PYROXD1: variants seen among roughly 807,000 people sequenced by gnomAD.
The protein encoded by PYROXD1 is pyridine nucleotide-disulphide oxidoreductase domain 1.
PYROXD1 carries 42 observed loss-of-function variants against 62.0 expected under a neutral mutation model. The observed-to-expected ratio is 0.68, with a 90% CI of 0.53 to 0.88. PYROXD1 has a LOEUF of 0.88. PYROXD1 is among the 40% of genes least tolerant of loss of function. PYROXD1 has a pLI of 0.00. For missense variants in PYROXD1, 493 were observed against 604.8 expected (o/e 0.82, Z 1.94); for synonymous variants, 170 against 206.4 (o/e 0.82, Z 1.51).
At chr12:21,461,968 T>A in intron 8 of PYROXD1, 40 bp from the exon 9 acceptor site, 1 of 1,274,220 alleles carries the variant, frequency 7.8e-7, no homozygotes, top group Non-Finnish European at 1.1e-6. Flanking sequence ...TGGTTCCATT[T>A]ACAAATAAAG....
At chr12:21,461,981 T>TGTTTTTTTG in intron 8 of PYROXD1, 27 bp from the exon 9 acceptor site, 2 of 1,431,066 alleles carry the variant, frequency 1.4e-6, no homozygotes, top group Non-Finnish European at 2.0e-6. Flanking sequence ...AAATAAAGTC[T>TGTTTTTTTG]GTTTTTTTGG....
intron 8 of PYROXD1, 45 bp from the exon 9 acceptor site, chr12:21,461,963 C>T (rs148210261): frequency 0.017 from 19,565 of 1,166,924 alleles, 224 homozygotes; most frequent in Non-Finnish European, 0.021. Context: ...GGTGATGGTT[C>T]CATTTACAAA....
Position 21,469,782 on chromosome 12 carries a change from A to G in PYROXD1, c.*1028A>G, listed in dbSNP as rs576595482. On this transcript the variant is annotated 3_prime_UTR_variant, in exon 12 of 12. Transcript: ENST00000240651. The stretch of plus-strand genomic sequence containing the variant: ...TCCAATGTGGCTCAGGGAAGCCAAA[A>G]GATTGGACATCCTTGATCTACATAT... 8.7e-4 allele frequency: 136 copies of G among 156,438 alleles called. No individual in the cohort carries two copies. In the Middle Eastern group the frequency reaches 0.01, roughly 12 times the overall value. 9.7% of individuals were successfully genotyped at this position (156,438 alleles called of 1,614,324 possible).
At chr12:21,460,720 C>T (rs1032555588) in intron 7 of PYROXD1, among the ~76,000 whole-genome samples, 1 of 152,164 alleles carries the variant, frequency 6.6e-6, no homozygotes, top group African/African-American at 2.4e-5. Flanking sequence ...CCACTGTGCC[C>T]AACAACTACT....
At chr12:21,467,680 A>T (rs1054896221) in intron 11 of PYROXD1, 62 bp downstream of exon 11, 1 of 1,262,970 alleles carries the variant, frequency 7.9e-7, no homozygotes, top group Non-Finnish European at 1.1e-6. Context: ...ATGATAAATC[A>T]TGTGATTTTC....
rs1942895971 is a variant in PYROXD1 at position 21,470,061 on chromosome 12, T to G, written c.*1307T>G. On this transcript the variant is annotated 3_prime_UTR_variant, in exon 12 of 12. Coordinates refer to ENST00000240651, the MANE Select transcript of PYROXD1 (RefSeq NM_024854.5). ...TCTCAAAAGTTTAGATCTTCAGAGA[T>G]AAGCTCTGAAAATATAGATCCATAC... The G allele has an allele frequency of 1.5e-6, 1 of 647,766 alleles. No homozygotes were observed. Among genetic ancestry groups the G allele is most frequent in the Non-Finnish European group, 2.5e-6 (1 of 406,032 alleles). 40.1% of individuals were successfully genotyped at this position (647,766 alleles called of 1,614,324 possible).
At position 21,445,439 on chromosome 12, in the gene PYROXD1, C is replaced by T. The variant is rs183592882; in HGVS notation, c.258C>T (p.Gly86=). The change falls in exon 3 of 12, where the codon GGC becomes GGT. Residue 86 remains glycine, a synonymous_variant. Coordinates refer to ENST00000240651, the MANE Select transcript of PYROXD1 (RefSeq NM_024854.5). The part of the protein sequence containing the change: ...RFPNIKVIES[G]VKQLKSEEHC... ...CCAACATTAAGGTTATAGAATCTGG[C>T]GTAAAGCAACTGAAGAGTGAAGAAC... is the stretch of plus-strand genomic sequence containing the variant. The T allele has an allele frequency of 8.9e-5, 142 of 1,604,162 alleles. No individual in the cohort carries two copies. The highest frequency in any genetic ancestry group is 1.7e-4 in the Middle Eastern group (1 of 6,012).
rs1313255846 is a variant in PYROXD1 at position 21,469,918 on chromosome 12, A to C, written c.*1164A>C. On this transcript the variant is annotated 3_prime_UTR_variant, in exon 12 of 12. Transcript: ENST00000240651. ...AAGTATATAAAGGCATAAAAAACTT[A>C]AGACGATTGTATGAACTTATTCTCA... 6 of 294,294 alleles carry C rather than the reference A, an allele frequency of 2.0e-5. No individual in the cohort carries two copies. The highest frequency in any genetic ancestry group is 9.6e-5 in the Admixed American group (2 of 20,846). The allele number at this position is 294,294 out of a possible 1,614,324, so 18.2% of individuals were successfully genotyped here. A position where few individuals can be genotyped will look rare whatever the true frequency, so the allele number is the denominator to read the frequency against.
chr12:21,448,290 C>T, intron 3 of PYROXD1: 1 of 353,478 alleles, frequency 2.8e-6, no homozygotes, highest in East Asian at 4.5e-5. Context: ...GGCGAGGACG[C>T]AGAGTGTGTG....
intron 10 of PYROXD1, among the ~76,000 whole-genome samples, chr12:21,466,409 A>G (rs980658131): frequency 6.6e-6 from 1 of 151,430 alleles, no homozygotes; most frequent in Non-Finnish European, 1.5e-5. Flanking sequence ...ATTCCTAGGT[A>G]TTTTATTCTC....
chr12:21,457,989 A>G (rs1329532570), intron 7 of PYROXD1, among the ~76,000 whole-genome samples: 3 of 152,318 alleles, frequency 2.0e-5, no homozygotes, highest in African/African-American at 7.2e-5. Flanking sequence ...GAACTTTCAC[A>G]GTGGTAAATA....
intron 10 of PYROXD1, among the ~76,000 whole-genome samples, chr12:21,466,068 A>T (rs1165126789): frequency 6.6e-6 from 1 of 152,078 alleles, no homozygotes; most frequent in Non-Finnish European, 1.5e-5. Flanking sequence ...TGGTTACTGT[A>T]GCCTTGTAGT....
chr12:21,446,433 G>GA (rs1334017668), intron 3 of PYROXD1, among the ~76,000 whole-genome samples: 1 of 151,588 alleles, frequency 6.6e-6, no homozygotes, highest in Non-Finnish European at 1.5e-5. Flanking sequence ...TCAAAAAAAA[G>GA]AGAGAAGTTG....
At chr12:21,446,289 GGC>G (rs1942386113) in intron 3 of PYROXD1, among the ~76,000 whole-genome samples, 1 of 149,956 alleles carries the variant, frequency 6.7e-6, no homozygotes, top group African/African-American at 2.5e-5. Flanking sequence ...CGGGTGTGGT[GGC>G]GTGCACCTGT....
chr12:21,465,647 C>A (rs564698977), intron 10 of PYROXD1, among the ~76,000 whole-genome samples: 1 of 151,984 alleles, frequency 6.6e-6, no homozygotes, highest in East Asian at 1.9e-4. Flanking sequence ...GTTTCTTTTA[C>A]TGTGCAGAAG....
At chr12:21,453,707 G>C (rs1450333841) in intron 5 of PYROXD1, among the ~76,000 whole-genome samples, 2 of 151,928 alleles carry the variant, frequency 1.3e-5, no homozygotes, top group Non-Finnish European at 2.9e-5. Flanking sequence ...AGGATTAGAA[G>C]GTGTCCTAGG....
At chr12:21,456,343 A>G (rs1476796030) in intron 7 of PYROXD1, among the ~76,000 whole-genome samples, 2 of 152,102 alleles carry the variant, frequency 1.3e-5, no homozygotes, top group Non-Finnish European at 2.9e-5. Context: ...TGTAATATAT[A>G]TACAGTCATA....
At chr12:21,438,968 T>C (rs974966702) in intron 1 of PYROXD1, among the ~76,000 whole-genome samples, 2 of 152,212 alleles carry the variant, frequency 1.3e-5, no homozygotes, top group Admixed American at 6.5e-5. Context: ...ACGGTTATCT[T>C]AGAGGTGCCT....
chr12:21,465,625 A>C (rs1942778709), intron 10 of PYROXD1, among the ~76,000 whole-genome samples: 2 of 151,374 alleles, frequency 1.3e-5, no homozygotes, highest in African/African-American at 2.4e-5. Flanking sequence ...TTGCCTGTTC[A>C]CTCTGATGGT....
Sources: allele counts gnomAD v4.1 joint callset (sites outside exome capture counted in the v4.1 genomes callset), GRCh38; gene constraint gnomAD v4.1.1; transcripts MANE v1.5; gene names NCBI Gene and HGNC (gene_info 2026-07-23, HGNC 2026-07-21).